The following NCALD variants were observed in gnomAD, a reference collection of about 807,000 sequenced individuals.
NCALD encodes the protein neurocalcin delta, also known as neurocalcin-delta.
Under a neutral mutation model 18.6 loss-of-function variants are expected in NCALD, and 10 were observed. The ratio of observed to expected loss-of-function variants is 0.54; its 90% confidence interval spans 0.33 to 0.91. The LOEUF (loss-of-function observed/expected upper bound fraction) is 0.91, where lower values mean the gene tolerates loss of function less well. Among genes scored for constraint, NCALD ranks in the 40% least tolerant of loss-of-function variants. The pLI is 0.03. For synonymous variants in NCALD, 88 were observed against 87.4 expected (o/e 1.01, Z -0.04); for missense variants, 184 against 247.6 (o/e 0.74, Z 1.72).
intron 4 of NCALD, among the ~76,000 whole-genome samples, chr8:101,874,353 C>T (rs185793370): frequency 6.6e-6 from 1 of 152,198 alleles, no homozygotes; most frequent in African/African-American, 2.4e-5. Flanking sequence ...TCTGAAATTG[C>T]AAATCACCTA....
intron 2 of NCALD, among the ~76,000 whole-genome samples, chr8:102,015,935 T>G (rs1392372558): frequency 6.6e-6 from 1 of 152,144 alleles, no homozygotes; most frequent in African/African-American, 2.4e-5. Context: ...TGAACACTCA[T>G]TAAAAAGAAG....
chr8:101,963,971 T>C (rs1277094177), intron 2 of NCALD, among the ~76,000 whole-genome samples: 1 of 152,208 alleles, frequency 6.6e-6, no homozygotes, highest in Non-Finnish European at 1.5e-5. Context: ...TTAATGGAAC[T>C]TCATGTCCTT....
At chr8:101,988,902 GAAAAAAAAAAA>G (rs35196499) in intron 2 of NCALD, among the ~76,000 whole-genome samples, 2 of 66,102 alleles carry the variant, frequency 3.0e-5, no homozygotes, top group Admixed American at 2.0e-4. Flanking sequence ...GGTGCCAGCA[GAAAAAAAAAAA>G]AAAAAAAAAA....
intron 2 of NCALD, among the ~76,000 whole-genome samples, chr8:101,928,752 C>T (rs1170573943): frequency 2.6e-5 from 4 of 152,074 alleles, no homozygotes; most frequent in South Asian, 4.1e-4. Context: ...TTTCTCTAAA[C>T]GTTAATGCTC....
chr8:102,092,583 C>T (rs1214507859), intron 1 of NCALD, among the ~76,000 whole-genome samples: 1 of 152,158 alleles, frequency 6.6e-6, no homozygotes, highest in Admixed American at 6.5e-5. Context: ...TGGTCCCTGC[C>T]TCATTTCATA....
chr8:102,107,623 G>T (rs1363347021), intron 1 of NCALD, among the ~76,000 whole-genome samples: 1 of 152,126 alleles, frequency 6.6e-6, no homozygotes, highest in African/African-American at 2.4e-5. Context: ...GCCAATTTTT[G>T]ACTTTAGAGA....
chr8:102,048,283 G>A (rs901272187), intron 1 of NCALD, among the ~76,000 whole-genome samples: 17 of 152,198 alleles, frequency 1.1e-4, no homozygotes, highest in Admixed American at 9.8e-4. Flanking sequence ...GACTATTGCC[G>A]GAAAATATAA....
chr8:101,826,937 A>AT (rs1039660931), intron 4 of NCALD, among the ~76,000 whole-genome samples: 4 of 152,342 alleles, frequency 2.6e-5, no homozygotes, highest in Admixed American at 6.5e-5. Context: ...CAAGAAATAG[A>AT]TTAAAGCTAC....
intron 2 of NCALD, among the ~76,000 whole-genome samples, chr8:101,984,744 A>C (rs1207484403): frequency 6.6e-6 from 1 of 152,224 alleles, no homozygotes; most frequent in Admixed American, 6.5e-5. Flanking sequence ...TTTCCTTTTG[A>C]GCAAGATCAA....
rs549255204 is a variant in NCALD at position 101,865,753 on chromosome 8, C to A, written c.-20+21388G>T. ...TAACTGAAATCAAGATTTTCTCCAC[C>A]TACCCTCCTTTACTCAGTGTCATTG... On this transcript the variant is annotated intron_variant, in intron 4 of 6. Coordinates refer to the NCALD transcript ENST00000311028. 3.3e-5 allele frequency among the ~76,000 whole-genome samples: 5 copies of A among 152,276 alleles called. No homozygotes were observed. The South Asian group carries it at 1.0e-3, about 32-fold the overall frequency.
intron 1 of NCALD, among the ~76,000 whole-genome samples, chr8:101,726,014 G>A (rs1816556884): frequency 6.6e-6 from 1 of 152,204 alleles, no homozygotes; most frequent in Admixed American, 6.5e-5. Context: ...GAGGCAGGTC[G>A]CCATGGAGAT....
At chr8:101,842,359 A>C (rs1482470308) in intron 4 of NCALD, among the ~76,000 whole-genome samples, 1 of 152,218 alleles carries the variant, frequency 6.6e-6, no homozygotes, top group Non-Finnish European at 1.5e-5. Flanking sequence ...AAAAACAAGA[A>C]GAGGAAGAAA....
intron 1 of NCALD, among the ~76,000 whole-genome samples, chr8:101,768,721 A>AC (rs60808857): frequency 3.5e-4 from 33 of 93,900 alleles, no homozygotes; most frequent in African/African-American, 1.0e-3. Flanking sequence ...AAAACAAAAA[A>AC]ACAAAAAAAA....
intron 1 of NCALD, among the ~76,000 whole-genome samples, chr8:102,037,365 C>T (rs1048265439): frequency 6.6e-6 from 1 of 151,250 alleles, no homozygotes; most frequent in Non-Finnish European, 1.5e-5. Flanking sequence ...AGATTCCATG[C>T]TCTTAACCAA....
At chr8:101,798,063 TAGTG>T (rs1305278309) in intron 4 of NCALD, among the ~76,000 whole-genome samples, 2 of 152,166 alleles carry the variant, frequency 1.3e-5, no homozygotes, top group African/African-American at 4.8e-5. Flanking sequence ...TTATACTTAA[TAGTG>T]AGAGTAAATA....
chr8:101,730,612 C>G (rs920869021), intron 1 of NCALD, among the ~76,000 whole-genome samples: 1 of 151,484 alleles, frequency 6.6e-6, no homozygotes, highest in African/African-American at 2.4e-5. Context: ...ATCAATTGAG[C>G]ACTGCCCTTG....
intron 1 of NCALD, among the ~76,000 whole-genome samples, chr8:102,100,985 T>C (rs1002785578): frequency 2.0e-5 from 3 of 152,206 alleles, no homozygotes; most frequent in Non-Finnish European, 4.4e-5. Flanking sequence ...GTGGTGATGG[T>C]TGCACAATAA....
chr8:102,075,939 G>A (rs1266742355), intron 1 of NCALD, among the ~76,000 whole-genome samples: 1 of 149,826 alleles, frequency 6.7e-6, no homozygotes, highest in African/African-American at 2.5e-5. Context: ...GTGACAGAGC[G>A]AGATTCTGTC....
intron 2 of NCALD, among the ~76,000 whole-genome samples, chr8:101,990,093 A>G (rs746877856): frequency 6.6e-6 from 1 of 152,220 alleles, no homozygotes; most frequent in Non-Finnish European, 1.5e-5. Flanking sequence ...AACTTGCTGA[A>G]AAAAGGAGAA....
Sources: gnomAD v4.1 joint callset for allele counts (sites outside exome capture counted in the v4.1 genomes callset) on GRCh38, gnomAD v4.1.1 for gene constraint, MANE v1.5 for transcripts, NCBI Gene and HGNC (gene_info 2026-07-23, HGNC 2026-07-21) for gene names.